USP36: variants seen among roughly 807,000 people sequenced by gnomAD.
USP36 encodes ubiquitin specific peptidase 36.
Under a neutral mutation model 111.5 loss-of-function variants are expected in USP36, and 59 were observed. The observed-to-expected ratio is 0.53, with a 90% CI of 0.43 to 0.66. USP36 has a LOEUF of 0.66. Among genes scored for constraint, USP36 ranks in the 30% least tolerant of loss-of-function variants. USP36 has a pLI of 0.00. For synonymous variants in USP36, 628 were observed against 581.0 expected (o/e 1.08, Z -1.16); for missense variants, 1,488 against 1,468.0 (o/e 1.01, Z -0.22).
intron 17 of USP36, among the ~76,000 whole-genome samples, chr17:78,800,852 T>G (rs2093722939): frequency 6.6e-6 from 1 of 152,154 alleles, no homozygotes; most frequent in South Asian, 2.1e-4. Context: ...AACCAGCACC[T>G]GGCATGGACC....
downstream of USP36, chr17:78,791,974 T>A (rs928991588): frequency 1.3e-5 from 2 of 152,186 alleles, no homozygotes; most frequent in Non-Finnish European, 2.9e-5. Flanking sequence ...GTGGGATGTA[T>A]TGACTGGATC....
intron 4 of USP36, among the ~76,000 whole-genome samples, chr17:78,834,253 A>AG (rs1280482235): frequency 6.6e-6 from 1 of 151,906 alleles, no homozygotes; most frequent in African/African-American, 2.4e-5. Flanking sequence ...AAAAAAAAAA[A>AG]AGTTACACAG....
chr17:78,803,607 C>T lies in USP36; in HGVS notation c.2588G>A (p.Gly863Glu), dbSNP rs750674479. The change falls in exon 16 of 21, where the codon GGG (glycine) becomes GAG (glutamate). Residue 863 changes from glycine (G) to glutamate (E), a missense_variant. Gly to Glu is a moderately conservative substitution (Grantham distance 98, BLOSUM62 -2). Coordinates refer to ENST00000449938, the MANE Select transcript of USP36 (RefSeq NM_001385174.1). The surrounding 1 kb of genome is among the most constrained non-coding windows in gnomAD (Gnocchi z 4.6). The part of the protein sequence containing the change: ...EDTAASALQE[G>E]QTQRQPGSPM... ...GCTCCCAGGCTGTCTCTGTGTCTGC[C>T]CCTCCTGCAGGGCGCTGGCAGCTGT... The T allele has an allele frequency of 1.9e-6, 3 of 1,612,582 alleles. No individual in the cohort carries two copies. In the East Asian group the frequency reaches 6.7e-5, roughly 36 times the overall value.
chr17:78,836,802 CACACACACACACACACAAACGG>C (rs981420906), intron 2 of USP36, among the ~76,000 whole-genome samples: 20 of 141,614 alleles, frequency 1.4e-4, no homozygotes, highest in East Asian at 5.8e-4. Flanking sequence ...CACACGGACA[CACACACACACACACACAAACGG>C]ACACACACAC....
rs1214803118 is a variant in USP36 at position 78,803,644 on chromosome 17, GCTT to G, written c.2548_2550del (p.Lys850del). 1.3e-5 allele frequency: 21 copies of G among 1,609,644 alleles called. No homozygotes were observed. The highest frequency in any genetic ancestry group is 5.5e-5 in the South Asian group (5 of 90,938). On this transcript the variant is annotated inframe_deletion, in exon 16 of 21. Transcript: ENST00000449938. The surrounding 1 kb of genome is among the most constrained non-coding windows in gnomAD (Gnocchi z 4.6). The stretch of plus-strand genomic sequence containing the variant: ...GCGCTGGCAGCTGTGTCCTCCGGGC[GCTT>G]CTTCTTCTTCCTCTTCCTCTTCCCG...
rs149463432 is a variant in USP36, at chr17:78,812,545, G to T, written c.1407+315C>A. 1.3e-3 allele frequency among the ~76,000 whole-genome samples: 197 copies of T among 151,718 alleles called. 1 individual carries two copies. Among genetic ancestry groups the T allele is most frequent in the African/African-American group, 4.7e-3 (193 of 41,364 alleles). On this transcript the variant is annotated intron_variant, in intron 13 of 20. Coordinates refer to ENST00000449938, the MANE Select transcript of USP36 (RefSeq NM_001385174.1). Reference sequence around the variant, plus strand: ...TCTACTAAAAATACAAAAAAAATTAGCCGGGCGTGGTTCGGGCACCTATAA... The same window carrying T: ...TCTACTAAAAATACAAAAAAAATTATCCGGGCGTGGTTCGGGCACCTATAA...
At chr17:78,833,844 A>G (rs2068386474) in intron 4 of USP36, among the ~76,000 whole-genome samples, 1 of 152,038 alleles carries the variant, frequency 6.6e-6, no homozygotes, top group South Asian at 2.1e-4. Context: ...CATTTTCCTT[A>G]TTATTGTTAT....
intron 9 of USP36, chr17:78,819,002 G>C (rs915570536): frequency 4.4e-6 from 2 of 457,294 alleles, no homozygotes; most frequent in Non-Finnish European, 8.0e-6. Flanking sequence ...AGATTCTAAA[G>C]CAAAAAAATA....
intron 17 of USP36, among the ~76,000 whole-genome samples, chr17:78,801,418 A>C (rs1195556058): frequency 6.6e-6 from 1 of 152,226 alleles, no homozygotes; most frequent in African/African-American, 2.4e-5. Flanking sequence ...ATCAGTCTCT[A>C]AGGTCCTGCT....
chr17:78,806,035 G>A, intron 15 of USP36, 121 bp downstream of exon 15: 1 of 1,533,024 alleles, frequency 6.5e-7, no homozygotes, highest in Admixed American at 2.1e-5. Context: ...GTACCTCCTG[G>A]CTGCCCCAAT....
intron 4 of USP36, among the ~76,000 whole-genome samples, chr17:78,831,527 C>T (rs1257575424): frequency 6.6e-6 from 1 of 151,940 alleles, no homozygotes; most frequent in Admixed American, 6.6e-5. Flanking sequence ...GGAAGAGAAT[C>T]GCTTGAACCT....
Position 78,803,707 on chromosome 17 carries a change from G to A in USP36, c.2488C>T (p.Pro830Ser). ...GCAGTGGCCTCCCTGATGTGCTGTG[G>A]GAGGCGCGTCTCTGAGCCCAGCCTC... is the stretch of plus-strand genomic sequence containing the variant. ...PQRLGSETRL[P>S]QHIREATAAP... is the part of the protein sequence containing the mutation. The change falls in exon 16 of 21, where the codon CCA (proline) becomes TCA (serine). Residue 830 changes from proline (P) to serine (S), a missense_variant. Transcript: ENST00000449938. The surrounding 1 kb of genome is among the most constrained non-coding windows in gnomAD (Gnocchi z 4.6). 3 of 1,611,952 alleles carry A rather than the reference G, an allele frequency of 1.9e-6. No individual in the cohort carries two copies. The African/African-American group carries it at 4.0e-5, about 21-fold the overall frequency.
chr17:78,838,382 AAAAACAAAAAAC>A (rs1458893243), intron 2 of USP36, among the ~76,000 whole-genome samples, 193 bp downstream of exon 2: 1 of 151,486 alleles, frequency 6.6e-6, no homozygotes, highest in African/African-American at 2.4e-5. Flanking sequence ...AAAAAAAAAA[AAAAACAAAAAAC>A]AAAAAACTTC....
intron 15 of USP36, among the ~76,000 whole-genome samples, chr17:78,805,802 C>T (rs893135645): frequency 2.6e-5 from 4 of 152,214 alleles, no homozygotes; most frequent in Admixed American, 1.3e-4. Context: ...GGCCTCACTT[C>T]GCCTTTCTCT....
chr17:78,800,920 C>T (rs534091572), intron 17 of USP36, among the ~76,000 whole-genome samples: 9 of 152,014 alleles, frequency 5.9e-5, no homozygotes, highest in Admixed American at 3.9e-4. Flanking sequence ...AACTCCACTT[C>T]GCTCCGAGGG....
At chr17:78,830,019 G>T (rs558434593) in intron 4 of USP36, among the ~76,000 whole-genome samples, 3 of 152,210 alleles carry the variant, frequency 2.0e-5, no homozygotes, top group Non-Finnish European at 4.4e-5. Flanking sequence ...GATTACAGGC[G>T]TGAGCCATCG....
chr17:78,838,228 C>G (rs991644713), intron 2 of USP36, among the ~76,000 whole-genome samples: 1 of 151,832 alleles, frequency 6.6e-6, no homozygotes, highest in Non-Finnish European at 1.5e-5. Flanking sequence ...AAAAAACTAG[C>G]CAGGCATGGT....
chr17:78,799,877 C>CTTTTTTTTT lies in USP36; in HGVS notation c.3023-118_3023-110dup, dbSNP rs549964435. The CTTTTTTTTT allele has an allele frequency of 3.2e-5, 5 of 155,602 alleles. 1 individual carries two copies. The highest frequency in any genetic ancestry group is 5.7e-5 in the Non-Finnish European group (5 of 87,192). The allele number at this position is 155,602 out of a possible 1,614,324, so 9.6% of individuals were successfully genotyped here. On this transcript the variant is annotated intron_variant, in intron 17 of 20. Transcript: ENST00000449938. ...CAACTTACAGTAAGTGGATGCTTGC[C>CTTTTTTTTT]TTTTTTTTTTTTTTTTTTTTTTTTT... is the stretch of plus-strand genomic sequence containing the variant.
downstream of USP36, among the ~76,000 whole-genome samples, chr17:78,792,643 C>T (rs147469304): frequency 1.3e-5 from 2 of 152,280 alleles, no homozygotes; most frequent in South Asian, 2.1e-4. Flanking sequence ...CTGGTGCTCA[C>T]TTGAGTTTGA....
Sources: allele counts gnomAD v4.1 joint callset (sites outside exome capture counted in the v4.1 genomes callset), GRCh38; gene constraint gnomAD v4.1.1; non-coding constraint Gnocchi (gnomAD v3.1); transcripts MANE v1.5; gene names NCBI Gene and HGNC (gene_info 2026-07-23, HGNC 2026-07-21).